BBX: variants seen among roughly 807,000 people sequenced by gnomAD.
BBX encodes the protein HMG box transcription factor BBX.
A neutral mutation model predicts 100.2 loss-of-function variants in BBX; 30 were observed. The ratio of observed to expected loss-of-function variants is 0.30; its 90% CI spans 0.22 to 0.41. The LOEUF is 0.41. BBX is among the 10% of genes least tolerant of loss of function. BBX has a pLI of 1.00. For synonymous variants in BBX, 376 were observed against 388.1 expected (o/e 0.97, Z 0.37); for missense variants, 1,023 against 1,129.8 (o/e 0.91, Z 1.35).
At chr3:107,630,547 A>G (rs1472575825) in intron 2 of BBX, among the ~76,000 whole-genome samples, 3 of 152,126 alleles carry the variant, frequency 2.0e-5, no homozygotes, top group Admixed American at 2.0e-4. Context: ...TGAGTTTGCC[A>G]TTTCTGTTGC....
At chr3:107,659,490 T>A (rs1422736612) in intron 3 of BBX, 1 of 179,866 alleles carries the variant, frequency 5.6e-6, no homozygotes, top group African/African-American at 2.4e-5. Context: ...TGCATACACC[T>A]GTGTAACCCA....
At chr3:107,766,290 T>C (rs2066388968) in intron 10 of BBX, among the ~76,000 whole-genome samples, 1 of 152,178 alleles carries the variant, frequency 6.6e-6, no homozygotes, top group South Asian at 2.1e-4. Flanking sequence ...TGTAAAAGAA[T>C]ATAAATCTTG....
intron 2 of BBX, among the ~76,000 whole-genome samples, chr3:107,570,566 C>T (rs1177145755): frequency 6.6e-6 from 1 of 152,082 alleles, no homozygotes; most frequent in Non-Finnish European, 1.5e-5. Context: ...TCAGCTCCAG[C>T]CACCTCTTTA....
intron 3 of BBX, among the ~76,000 whole-genome samples, chr3:107,692,312 A>G (rs1264685302): frequency 6.6e-6 from 1 of 152,044 alleles, no homozygotes; most frequent in Non-Finnish European, 1.5e-5. Context: ...GTCATCTAGC[A>G]TTACGTATAC....
intron 2 of BBX, among the ~76,000 whole-genome samples, chr3:107,644,770 A>G (rs900846589): frequency 2.0e-5 from 3 of 152,170 alleles, no homozygotes; most frequent in Non-Finnish European, 2.9e-5. Context: ...CTGAAGCCAC[A>G]TGAGACCAAT....
intron 10 of BBX, 122 bp from the exon 11 acceptor site, chr3:107,772,506 G>T: frequency 9.2e-7 from 1 of 1,088,680 alleles, no homozygotes; most frequent in Non-Finnish European, 1.3e-6. Context: ...TGGGCTGATT[G>T]TTGTAAAGTT....
intron 3 of BBX, among the ~76,000 whole-genome samples, chr3:107,687,086 A>C (rs906667531): frequency 6.6e-6 from 1 of 152,170 alleles, no homozygotes; most frequent in Admixed American, 6.6e-5. Flanking sequence ...AAAATGTTGG[A>C]GAAGTTATTT....
At chr3:107,601,206 C>T (rs190569354) in intron 2 of BBX, among the ~76,000 whole-genome samples, 3 of 152,162 alleles carry the variant, frequency 2.0e-5, no homozygotes, top group Admixed American at 2.0e-4. Context: ...TCCCATCTTT[C>T]TCCCTCAGGC....
intron 2 of BBX, among the ~76,000 whole-genome samples, chr3:107,585,863 A>G (rs905839659): frequency 9.2e-5 from 14 of 152,192 alleles, no homozygotes; most frequent in African/African-American, 3.4e-4. Context: ...CTATTTGGTT[A>G]TATTTATTTC....
At chr3:107,539,099 T>C (rs1166788992) in intron 2 of BBX, among the ~76,000 whole-genome samples, 1 of 152,164 alleles carries the variant, frequency 6.6e-6, no homozygotes, top group East Asian at 1.9e-4. Flanking sequence ...CAGAACAATG[T>C]TTAGTAAAGC....
intron 16 of BBX, among the ~76,000 whole-genome samples, chr3:107,800,239 T>C (rs1163521560): frequency 2.0e-5 from 3 of 152,196 alleles, no homozygotes; most frequent in Non-Finnish European, 4.4e-5. Context: ...GTCCCCTCCC[T>C]CCTTTTCTGT....
At chr3:107,563,703 G>C (rs1024591538) in intron 2 of BBX, among the ~76,000 whole-genome samples, 2 of 152,054 alleles carry the variant, frequency 1.3e-5, no homozygotes, top group Non-Finnish European at 2.9e-5. Context: ...TTTATTGTTT[G>C]CTGTTTTACA....
At chr3:107,536,871 T>C (rs1469176599) in intron 2 of BBX, among the ~76,000 whole-genome samples, 1 of 151,550 alleles carries the variant, frequency 6.6e-6, no homozygotes, top group East Asian at 1.9e-4. Context: ...ATCTATCATA[T>C]AAATTAATCT....
At position 107,710,421 on chromosome 3, in the gene BBX, C is replaced by G. The variant is rs755475698; in HGVS notation, c.-9-31C>G. On this transcript the variant is annotated intron_variant, in intron 3 of 17. Transcript: ENST00000325805. ...GGTGTCTCTCTTTCTCTCCCTGTTT[C>G]CCTGTTTCTCTCTCTCTCTTCCTAT... 10 of 1,529,556 alleles carry G rather than the reference C, an allele frequency of 6.5e-6. No individual in the cohort carries two copies. The African/African-American group carries it at 1.1e-4, about 17-fold the overall frequency. The allele number at this position is 1,529,556 out of a possible 1,614,324, so 94.7% of individuals were successfully genotyped here.
chr3:107,554,578 G>A (rs190810621), intron 2 of BBX, among the ~76,000 whole-genome samples: 9 of 152,226 alleles, frequency 5.9e-5, no homozygotes, highest in Admixed American at 3.3e-4. Flanking sequence ...GGTTACTTGC[G>A]GAGTTTAACT....
chr3:107,732,549 G>T (rs2063377403), intron 6 of BBX, among the ~76,000 whole-genome samples: 1 of 152,084 alleles, frequency 6.6e-6, no homozygotes. Flanking sequence ...AACTAGTCCT[G>T]ATTTCACATG....
chr3:107,745,625 TA>T (rs2064516451), intron 8 of BBX, among the ~76,000 whole-genome samples: 1 of 151,844 alleles, frequency 6.6e-6, no homozygotes, highest in Admixed American at 6.6e-5. Context: ...CATGCCCAAC[TA>T]ATTTTTTTTT....
intron 3 of BBX, among the ~76,000 whole-genome samples, chr3:107,680,658 A>C (rs2107989308): frequency 6.6e-6 from 1 of 152,284 alleles, no homozygotes; most frequent in African/African-American, 2.4e-5. Flanking sequence ...TCGCTATAGC[A>C]GTTTTTAAAA....
At chr3:107,785,305 A>G (rs2068300806) in intron 13 of BBX, among the ~76,000 whole-genome samples, 1 of 152,010 alleles carries the variant, frequency 6.6e-6, no homozygotes, top group Admixed American at 6.6e-5. Flanking sequence ...ACACTTCCCA[A>G]TTCATTCTGT....
Sources: allele counts gnomAD v4.1 joint callset (sites outside exome capture counted in the v4.1 genomes callset), GRCh38; gene constraint gnomAD v4.1.1; transcripts MANE v1.5; gene names NCBI Gene and HGNC (gene_info 2026-07-23, HGNC 2026-07-21).